Variants in FBXL17 observed in about 807,000 individuals in gnomAD.
The protein encoded by FBXL17 is F-box/LRR-repeat protein 17.
In FBXL17, 22 loss-of-function variants were observed where a neutral mutation model predicts 66.2. The observed-to-expected ratio is 0.33, with a 90% CI of 0.24 to 0.47. The LOEUF (loss-of-function observed/expected upper bound fraction) is 0.47, where lower values mean the gene tolerates loss of function less well. Ranked by LOEUF, FBXL17 falls within the 20% of genes least tolerant of loss-of-function variation. The pLI is 1.00. For missense variants in FBXL17, 878 were observed against 948.2 expected (o/e 0.93, Z 0.97); for synonymous variants, 474 against 400.5 (o/e 1.18, Z -2.19).
intron 7 of FBXL17, among the ~76,000 whole-genome samples, chr5:107,907,170 C>T (rs1749787989): frequency 6.6e-6 from 1 of 152,212 alleles, no homozygotes; most frequent in African/African-American, 2.4e-5. Flanking sequence ...TCCATTTACA[C>T]TTCACACATT....
At chr5:108,049,638 A>T (rs537663671) in intron 6 of FBXL17, among the ~76,000 whole-genome samples, 6 of 152,208 alleles carry the variant, frequency 3.9e-5, no homozygotes, top group Non-Finnish European at 5.9e-5. Flanking sequence ...AAATCACACC[A>T]AAATATAAAG....
At chr5:108,237,104 T>C (rs768572812) in intron 4 of FBXL17, among the ~76,000 whole-genome samples, 13 of 152,208 alleles carry the variant, frequency 8.5e-5, no homozygotes, top group Non-Finnish European at 1.3e-4. Context: ...CCTGAACAGC[T>C]ACCCTAGTCC....
chr5:108,344,916 A>G (rs1747163309), intron 4 of FBXL17, among the ~76,000 whole-genome samples: 1 of 152,224 alleles, frequency 6.6e-6, no homozygotes, highest in Admixed American at 6.5e-5. Flanking sequence ...ATACTCCTCA[A>G]ATCTATGTGT....
At chr5:108,320,447 C>A (rs1156577284) in intron 4 of FBXL17, among the ~76,000 whole-genome samples, 1 of 150,406 alleles carries the variant, frequency 6.6e-6, no homozygotes, top group Non-Finnish European at 1.5e-5. Flanking sequence ...GGAAAGCATC[C>A]AAAAAAAAAT....
intron 4 of FBXL17, among the ~76,000 whole-genome samples, chr5:108,230,728 T>TA (rs5870308): frequency 0.51 from 63,816 of 125,588 alleles, 15,332 homozygotes; most frequent in East Asian, 0.74. Flanking sequence ...GAAATAAATT[T>TA]AAAAAAAAAA....
At chr5:107,871,057 C>CAAAAAAAAAAAAAAAAAAAAAAAAA (rs201752049) in intron 8 of FBXL17, among the ~76,000 whole-genome samples, 7 of 65,894 alleles carry the variant, frequency 1.1e-4, no homozygotes, top group African/African-American at 1.5e-4. Context: ...TCTTGGGCGG[C>CAAAAAAAAAAAAAAAAAAAAAAAAA]AAAAAAAAAA....
At position 107,937,762 on chromosome 5, in the gene FBXL17, C is replaced by T. The variant is rs543579912; in HGVS notation, c.1823-56583G>A. Among the ~76,000 whole-genome samples, 7 of 152,170 alleles carry T rather than the reference C, an allele frequency of 4.6e-5. No individual in the cohort carries two copies. In the South Asian group the frequency reaches 1.0e-3, roughly 23 times the overall value. On this transcript the variant is annotated intron_variant, in intron 7 of 8. Transcript: ENST00000542267. ...CATGAGATCACGTACTTGCCCCCAT[C>T]GGCAGAATCCTACACACCTCTCACT... is the stretch of plus-strand genomic sequence containing the variant.
intron 7 of FBXL17, among the ~76,000 whole-genome samples, chr5:107,881,441 T>G (rs568126046): frequency 1.1e-4 from 17 of 152,362 alleles, no homozygotes; most frequent in African/African-American, 3.8e-4. Flanking sequence ...CAAGGTTACC[T>G]GTACTTTCAA....
intron 5 of FBXL17, among the ~76,000 whole-genome samples, chr5:108,223,279 G>C (rs765253521): frequency 5.3e-5 from 8 of 152,128 alleles, no homozygotes; most frequent in Non-Finnish European, 8.8e-5. Context: ...CAAACTGAAA[G>C]AGACCTGGGA....
chr5:108,185,918 C>T (rs890155366), intron 6 of FBXL17, among the ~76,000 whole-genome samples, 199 bp downstream of exon 6: 1 of 152,122 alleles, frequency 6.6e-6, no homozygotes. Context: ...TGTATTAAAG[C>T]ACCTAAAAAC....
Position 108,381,819 on chromosome 5 carries a change from C to A in FBXL17, c.-128G>T, listed in dbSNP as rs1264786661. The A allele has an allele frequency of 5.2e-6, 7 of 1,336,932 alleles. No individual in the cohort carries two copies. In the South Asian group the frequency reaches 5.5e-5, roughly 10 times the overall value. The allele number at this position is 1,336,932 out of a possible 1,614,324, so 82.8% of individuals were successfully genotyped here. ...GGGTCGCCCTTCCTGCGCACACACACGCACACACGGGCACACACGCGACGG... is the reference window on the plus strand; with the variant it reads ...GGGTCGCCCTTCCTGCGCACACACAAGCACACACGGGCACACACGCGACGG... On this transcript the variant is annotated 5_prime_UTR_variant, in exon 1 of 9. Transcript: ENST00000542267.
intron 4 of FBXL17, among the ~76,000 whole-genome samples, chr5:108,273,563 G>A (rs1397021959): frequency 6.6e-6 from 1 of 151,444 alleles, no homozygotes; most frequent in African/African-American, 2.4e-5. Flanking sequence ...ATCAAAATTT[G>A]TACAATATTT....
intron 7 of FBXL17, among the ~76,000 whole-genome samples, chr5:107,923,856 C>G (rs577855512): frequency 2.6e-5 from 4 of 152,132 alleles, no homozygotes; most frequent in African/African-American, 9.6e-5. Context: ...CAATTCTTTT[C>G]CTCCAAAGTG....
At chr5:108,081,348 T>C (rs977990544) in intron 6 of FBXL17, among the ~76,000 whole-genome samples, 1 of 152,132 alleles carries the variant, frequency 6.6e-6, no homozygotes, top group Non-Finnish European at 1.5e-5. Context: ...GGAATTTTAT[T>C]TTTCATTTTA....
At chr5:108,194,534 C>T (rs1005937036) in intron 5 of FBXL17, among the ~76,000 whole-genome samples, 2 of 152,148 alleles carry the variant, frequency 1.3e-5, no homozygotes, top group African/African-American at 4.8e-5. Flanking sequence ...CTTAGGAATG[C>T]CCTCTTTGAC....
intron 4 of FBXL17, among the ~76,000 whole-genome samples, chr5:108,225,368 A>G (rs1249644574): frequency 6.6e-6 from 1 of 152,182 alleles, no homozygotes; most frequent in Non-Finnish European, 1.5e-5. Flanking sequence ...TCAGAATGTG[A>G]TCTTATTTGG....
chr5:108,063,824 G>A (rs943891488), intron 6 of FBXL17, among the ~76,000 whole-genome samples: 6 of 151,242 alleles, frequency 4.0e-5, no homozygotes, highest in African/African-American at 1.5e-4. Context: ...CTTGTTTTTT[G>A]TTTTCTTGGA....
At chr5:108,022,249 C>T (rs529461076) in intron 6 of FBXL17, among the ~76,000 whole-genome samples, 1 of 151,808 alleles carries the variant, frequency 6.6e-6, no homozygotes, top group Non-Finnish European at 1.5e-5. Flanking sequence ...ATGTCTAAAA[C>T]AGGAAACTTA....
intron 6 of FBXL17, among the ~76,000 whole-genome samples, chr5:108,112,067 T>C (rs1322733248): frequency 6.6e-6 from 1 of 152,188 alleles, no homozygotes; most frequent in African/African-American, 2.4e-5. Context: ...ACAGTCTTGC[T>C]TGGCTTAGGA....
Sources: gnomAD v4.1 joint callset for allele counts (sites outside exome capture counted in the v4.1 genomes callset) on GRCh38, gnomAD v4.1.1 for gene constraint, MANE v1.5 for transcripts, NCBI Gene and HGNC (gene_info 2026-07-23, HGNC 2026-07-21) for gene names.